The following PTPRE variants were observed in gnomAD, a reference collection of about 807,000 sequenced individuals.
The protein encoded by PTPRE is protein tyrosine phosphatase receptor type E.
In PTPRE, 51 loss-of-function variants were observed where a neutral mutation model predicts 102.0. The ratio of observed to expected loss-of-function variants is 0.50; its 90% CI spans 0.40 to 0.63. The LOEUF is 0.63. Ranked by LOEUF, PTPRE falls within the 30% of genes least tolerant of loss-of-function variation. The pLI, the probability that PTPRE is intolerant of heterozygous loss-of-function variation, is 0.00. For missense variants in PTPRE, 752 were observed against 915.1 expected, an observed-to-expected ratio of 0.82 and a Z score of 2.30; for synonymous variants, 345 against 348.2, an observed-to-expected ratio of 0.99 and a Z score of 0.10.
At chr10:127,954,602 A>T (rs574502797) in intron 1 of PTPRE, among the ~76,000 whole-genome samples, 1 of 152,270 alleles carries the variant, frequency 6.6e-6, no homozygotes, top group African/African-American at 2.4e-5. Context: ...CATCACCTTG[A>T]AGCAGCCAGT....
chr10:127,946,356 A>T (rs7906020), intron 1 of PTPRE, among the ~76,000 whole-genome samples: 40,818 of 140,836 alleles, frequency 0.29, 7,079 homozygotes, highest in East Asian at 0.37. Context: ...AAGAACTCTC[A>T]GCCCTCATTT....
At chr10:128,002,844 C>T (rs1253957385) in intron 2 of PTPRE, among the ~76,000 whole-genome samples, 1 of 151,562 alleles carries the variant, frequency 6.6e-6, no homozygotes, top group Admixed American at 6.6e-5. Flanking sequence ...CAGGCGTGCA[C>T]CACCATACCG....
chr10:127,919,019 G>GT (rs2135168937), intron 1 of PTPRE, among the ~76,000 whole-genome samples: 1 of 152,272 alleles, frequency 6.6e-6, no homozygotes, highest in East Asian at 1.9e-4. Flanking sequence ...AGTTGTAGGT[G>GT]TATCTTGAAG....
At chr10:127,923,397 A>AT (rs1270673117) in intron 1 of PTPRE, among the ~76,000 whole-genome samples, 14 of 131,444 alleles carry the variant, frequency 1.1e-4, no homozygotes, top group Non-Finnish European at 2.0e-4. Context: ...AACCAGTTTG[A>AT]ATTTTTTTTT....
At chr10:127,932,681 TC>T (rs955811090) in intron 1 of PTPRE, among the ~76,000 whole-genome samples, 1 of 152,216 alleles carries the variant, frequency 6.6e-6, no homozygotes, top group Non-Finnish European at 1.5e-5. Context: ...CTCAGATTCC[TC>T]ACGCAGCAGT....
rs767395829 is a variant in PTPRE, at chr10:127,993,673, A to G, written c.-8+11377A>G. 6.6e-5 allele frequency among the ~76,000 whole-genome samples: 10 copies of G among 152,194 alleles called. No homozygotes were observed. The South Asian group carries it at 8.3e-4, about 13-fold the overall frequency. On this transcript the variant is annotated intron_variant, in intron 2 of 20. Transcript: ENST00000254667. The stretch of plus-strand genomic sequence containing the variant: ...GCCTGGGGCAGCACTTAGCACAAAC[A>G]GGGCTGGCTACTTAAAACCCGGGGT...
intron 1 of PTPRE, among the ~76,000 whole-genome samples, chr10:127,926,956 T>C (rs1384897721): frequency 2.6e-5 from 4 of 151,542 alleles, no homozygotes; most frequent in East Asian, 1.9e-4. Flanking sequence ...GGATTACAGG[T>C]GTGCACCACC....
chr10:128,067,370 A>G lies in PTPRE; in HGVS notation c.844-753A>G, dbSNP rs1179928718. Among the ~76,000 whole-genome samples the G allele has an allele frequency of 2.7e-5, 4 of 145,938 alleles. No homozygotes were observed. The South Asian group carries it at 6.6e-4, about 24-fold the overall frequency. ...CATTCACACACGCACACGTGCACAC[A>G]TGCACACATTCACACATGTGCACAC... On this transcript the variant is annotated intron_variant, in intron 11 of 20. Transcript: ENST00000254667.
chr10:128,079,797 G>C (rs2136081939), intron 20 of PTPRE, 102 bp downstream of exon 20: 1 of 1,410,586 alleles, frequency 7.1e-7, no homozygotes, highest in East Asian at 2.3e-5. Flanking sequence ...GGGGGAGGTG[G>C]GAAGGTAAAA....
chr10:128,043,434 C>CA (rs796196623), intron 3 of PTPRE, among the ~76,000 whole-genome samples: 177 of 152,262 alleles, frequency 1.2e-3, no homozygotes, highest in African/African-American at 3.9e-3. Context: ...GCTGATCTGA[C>CA]GGGGGGCGGC....
At chr10:128,015,679 A>C (rs750929121) in intron 2 of PTPRE, among the ~76,000 whole-genome samples, 2 of 152,136 alleles carry the variant, frequency 1.3e-5, no homozygotes, top group Non-Finnish European at 2.9e-5. Flanking sequence ...TCTTATAATT[A>C]AAAATTGGCC....
intron 2 of PTPRE, among the ~76,000 whole-genome samples, chr10:127,985,182 G>T (rs1449042044): frequency 6.6e-6 from 1 of 152,230 alleles, no homozygotes; most frequent in Admixed American, 6.5e-5. Context: ...ACACGTGCTG[G>T]ATGAACACAT....
intron 2 of PTPRE, among the ~76,000 whole-genome samples, chr10:128,026,216 G>A (rs117369597): frequency 1.6e-3 from 239 of 152,328 alleles, no homozygotes; most frequent in Non-Finnish European, 2.6e-3. Context: ...AGCCAGGTGC[G>A]GTGGGCAAAT....
At chr10:128,064,247 C>T (rs11819356) in intron 10 of PTPRE, among the ~76,000 whole-genome samples, 2,049 of 152,320 alleles carry the variant, frequency 0.013, 45 homozygotes, top group African/African-American at 0.046. Flanking sequence ...CTAATTGCCA[C>T]CCAAAACACA....
intron 12 of PTPRE, 58 bp downstream of exon 12, chr10:128,068,344 C>T (rs1041937167): frequency 1.9e-6 from 3 of 1,546,602 alleles, no homozygotes; most frequent in Non-Finnish European, 2.6e-6. Context: ...TGGGATGACT[C>T]ATCCTCATGG....
intron 1 of PTPRE, among the ~76,000 whole-genome samples, chr10:127,952,030 AG>A (rs1849065638): frequency 6.6e-6 from 1 of 152,216 alleles, no homozygotes; most frequent in African/African-American, 2.4e-5. Context: ...CTTGTCCAGA[AG>A]GCCCACCTGA....
chr10:128,068,336 G>A (rs749695206), intron 12 of PTPRE, 50 bp downstream of exon 12: 109 of 1,562,924 alleles, frequency 7.0e-5, no homozygotes, highest in Non-Finnish European at 8.9e-5. Context: ...GGCCACAGTG[G>A]GATGACTCAT....
intron 2 of PTPRE, among the ~76,000 whole-genome samples, chr10:128,033,542 T>G (rs1381895688): frequency 6.6e-6 from 1 of 152,178 alleles, no homozygotes; most frequent in Non-Finnish European, 1.5e-5. Context: ...ATAAAATTAT[T>G]TGTGGGGGAA....
At chr10:128,010,571 C>CTTTTA (rs1554919802) in intron 2 of PTPRE, among the ~76,000 whole-genome samples, 1 of 146,576 alleles carries the variant, frequency 6.8e-6, no homozygotes, top group Non-Finnish European at 1.5e-5. Flanking sequence ...CTTTTCTTTT[C>CTTTTA]TTTTCTTTTC....
Sources: gnomAD v4.1 joint callset for allele counts (sites outside exome capture counted in the v4.1 genomes callset) on GRCh38, gnomAD v4.1.1 for gene constraint, MANE v1.5 for transcripts, NCBI Gene and HGNC (gene_info 2026-07-23, HGNC 2026-07-21) for gene names.